CUX1: variants seen among roughly 807,000 people sequenced by gnomAD.
CUX1 encodes the protein cut like homeobox 1, also known as protein CASP.
A neutral mutation model predicts 158.8 loss-of-function variants in CUX1; 31 were observed. That is an observed-to-expected ratio of 0.20 (90% CI 0.15 to 0.26). The LOEUF is 0.26. Ranked by LOEUF, CUX1 falls within the 10% of genes least tolerant of loss-of-function variation. The pLI is 1.00. For synonymous variants in CUX1, 879 were observed against 862.1 expected (o/e 1.02, Z -0.34); for missense variants, 1,589 against 2,014.6 (o/e 0.79, Z 4.04).
intron 2 of CUX1, among the ~76,000 whole-genome samples, chr7:101,935,878 A>T (rs1427119322): frequency 6.6e-6 from 1 of 152,086 alleles, no homozygotes; most frequent in African/African-American, 2.4e-5. Context: ...CCGAAGTTAC[A>T]CTCTACAGCC....
chr7:102,109,339 AAG>A (rs1340101315), intron 6 of CUX1, among the ~76,000 whole-genome samples: 12 of 152,224 alleles, frequency 7.9e-5, no homozygotes, highest in Non-Finnish European at 1.5e-5. Flanking sequence ...ATGTCATACA[AAG>A]AGAAATAACA....
At chr7:101,817,552 G>A (rs1344426566), upstream of CUX1, 8 of 1,298,156 alleles carry the variant, frequency 6.2e-6, no homozygotes, top group Non-Finnish European at 7.8e-6. The surrounding 1 kb of genome is among the most constrained non-coding windows in gnomAD (Gnocchi z 4.1). Flanking sequence ...CCCCCCGCCC[G>A]GAGGAGCGGC....
At chr7:102,156,322 T>C (rs1789758299) in intron 8 of CUX1, among the ~76,000 whole-genome samples, 1 of 152,148 alleles carries the variant, frequency 6.6e-6, no homozygotes, top group East Asian at 1.9e-4. Flanking sequence ...TTCAAGGACA[T>C]GGCCCTGGCT....
Position 102,070,411 on chromosome 7 carries a change from G to T in CUX1, c.262G>T (p.Val88Phe). ...FLNVYKRLIDVPDPVPALDLG... is the reference protein window; with the variant it reads ...FLNVYKRLIDFPDPVPALDLG... ...GAATGTCTACAAAAGATTGATTGAC[G>T]TCCCAGGTAAGCCCCGGCAGTAATG... is the stretch of plus-strand genomic sequence containing the variant. Residue 88 changes from valine to phenylalanine, a missense_variant, in exon 4 of 24, where the codon GTC (valine) becomes TTC (phenylalanine). By Grantham distance (50) the Val-to-Phe change is conservative (BLOSUM62 -1). Transcript: ENST00000292535. The T allele has an allele frequency of 6.2e-7, 1 of 1,608,462 alleles. No individual in the cohort carries two copies. Among genetic ancestry groups the T allele is most frequent in the Admixed American group, 1.7e-5 (1 of 58,904 alleles).
At chr7:101,935,495 G>A (rs1806810784) in intron 2 of CUX1, among the ~76,000 whole-genome samples, 1 of 152,216 alleles carries the variant, frequency 6.6e-6, no homozygotes, top group Admixed American at 6.5e-5. Flanking sequence ...CCAGCTCTGT[G>A]TCCTGCCATC....
At position 102,081,798 on chromosome 7, in the gene CUX1, G is replaced by GT. The variant is rs1360070651; in HGVS notation, c.268+11382dup. Among the ~76,000 whole-genome samples the GT allele has an allele frequency of 6.2e-5, 9 of 145,946 alleles. 1 individual carries two copies. The highest frequency in any genetic ancestry group is 2.2e-4 in the African/African-American group (9 of 40,900). Reference sequence around the variant, plus strand: ...CTGCCACCATGCCCAATTAATTTTTGTATTTCTAGTAGAGACAGAGTTTCA... The same window carrying GT: ...CTGCCACCATGCCCAATTAATTTTTGTTATTTCTAGTAGAGACAGAGTTTCA... On this transcript the variant is annotated intron_variant, in intron 4 of 23. Transcript: ENST00000292535.
At chr7:101,895,394 A>C (rs1184157897) in intron 1 of CUX1, among the ~76,000 whole-genome samples, 1 of 152,162 alleles carries the variant, frequency 6.6e-6, no homozygotes, top group African/African-American at 2.4e-5. Context: ...TTGGGAAACC[A>C]ATGGTCTGGG....
chr7:102,073,204 C>T (rs1488942903), intron 4 of CUX1, among the ~76,000 whole-genome samples: 3 of 102,808 alleles, frequency 2.9e-5, no homozygotes, highest in East Asian at 3.5e-4. Flanking sequence ...GACAGAGTCG[C>T]ACTCTGTCAA....
At chr7:101,872,322 C>CG (rs1245736009) in intron 1 of CUX1, among the ~76,000 whole-genome samples, 1 of 151,748 alleles carries the variant, frequency 6.6e-6, no homozygotes, top group South Asian at 2.1e-4. Context: ...TTAGTAGAGA[C>CG]GGGGTTTCAC....
intron 8 of CUX1, among the ~76,000 whole-genome samples, chr7:102,151,727 CAAAAAAAAAAAAAAA>C (rs1159017025): frequency 4.4e-4 from 17 of 38,880 alleles, no homozygotes; most frequent in Non-Finnish European, 5.0e-4. Flanking sequence ...GACTCTGTCT[CAAAAAAAAAAAAAAA>C]AAAAAAAAAA....
At chr7:101,857,383 A>G (rs1013693044) in intron 1 of CUX1, among the ~76,000 whole-genome samples, 1 of 152,212 alleles carries the variant, frequency 6.6e-6, no homozygotes, top group African/African-American at 2.4e-5. Flanking sequence ...TCAATACATA[A>G]AATATGTTTT....
At chr7:101,835,116 C>T (rs6944983) in intron 1 of CUX1, among the ~76,000 whole-genome samples, 2,136 of 152,202 alleles carry the variant, frequency 0.014, 41 homozygotes, top group African/African-American at 0.049. Context: ...TCCAACACCC[C>T]GACAAGAAAC....
chr7:102,093,555 C>T (rs1828873110), intron 4 of CUX1, among the ~76,000 whole-genome samples: 1 of 152,132 alleles, frequency 6.6e-6, no homozygotes, highest in Non-Finnish European at 1.5e-5. Context: ...CTTTTTCTTT[C>T]CCTCCCTGGG....
At chr7:101,843,885 A>G (rs796467116) in intron 1 of CUX1, among the ~76,000 whole-genome samples, 4 of 152,220 alleles carry the variant, frequency 2.6e-5, no homozygotes, top group South Asian at 2.1e-4. Context: ...GAAAGAGCCA[A>G]TCCTTCAGGA....
chr7:101,866,047 A>G (rs964993770), intron 1 of CUX1, among the ~76,000 whole-genome samples: 1 of 152,210 alleles, frequency 6.6e-6, no homozygotes, highest in African/African-American at 2.4e-5. Context: ...AGAGGAGGCC[A>G]GGCATGGTGG....
At chr7:101,907,355 TTTTA>T (rs1802872754) in intron 1 of CUX1, among the ~76,000 whole-genome samples, 1 of 151,834 alleles carries the variant, frequency 6.6e-6, no homozygotes, top group Non-Finnish European at 1.5e-5. Context: ...TATTTTTATT[TTTTA>T]TTTTTTGAGA....
chr7:102,127,678 G>A (rs1191793033), intron 8 of CUX1, among the ~76,000 whole-genome samples: 2 of 152,036 alleles, frequency 1.3e-5, no homozygotes, highest in Non-Finnish European at 2.9e-5. Context: ...TCACGTAGGT[G>A]AGCCCTAAGA....
chr7:101,988,224 A>G (rs1446951042), intron 2 of CUX1, among the ~76,000 whole-genome samples: 1 of 151,860 alleles, frequency 6.6e-6, no homozygotes, highest in African/African-American at 2.4e-5. Flanking sequence ...AAAAAAAAGA[A>G]GAAGAAGCTG....
intron 2 of CUX1, among the ~76,000 whole-genome samples, chr7:102,006,347 T>A (rs530770690): frequency 6.6e-6 from 1 of 152,288 alleles, no homozygotes; most frequent in Admixed American, 6.5e-5. Flanking sequence ...AGGACAACTC[T>A]GGAATGCCAG....
Sources: gnomAD v4.1 joint callset for allele counts (sites outside exome capture counted in the v4.1 genomes callset) on GRCh38, gnomAD v4.1.1 for gene constraint, Gnocchi (gnomAD v3.1) non-coding constraint, MANE v1.5 for transcripts, NCBI Gene and HGNC (gene_info 2026-07-23, HGNC 2026-07-21) for gene names.